The following FGF10 variants were observed in gnomAD, a reference collection of about 807,000 sequenced individuals.
FGF10 encodes the protein FGF-10.
A neutral mutation model predicts 19.8 loss-of-function variants in FGF10; 2 were observed. That is an observed-to-expected ratio of 0.10 (90% CI 0.04 to 0.32). The LOEUF (loss-of-function observed/expected upper bound fraction) is 0.32. FGF10 is among the 10% of genes least tolerant of loss of function. The probability of loss-of-function intolerance (pLI) is 1.00; values close to 1 mark genes in which losing one functional copy is unlikely to be tolerated. For missense variants in FGF10, 191 were observed against 246.3 expected (o/e 0.78, Z 1.50); for synonymous variants, 112 against 94.0 (o/e 1.19, Z -1.10).
At chr5:44,338,086 G>C (rs1740893251) in intron 1 of FGF10, among the ~76,000 whole-genome samples, 1 of 152,100 alleles carries the variant, frequency 6.6e-6, no homozygotes, top group Non-Finnish European at 1.5e-5. Flanking sequence ...TAACATGTTA[G>C]AAAAAGGTTA....
intron 1 of FGF10, among the ~76,000 whole-genome samples, chr5:44,337,489 G>A (rs1417697732): frequency 6.6e-6 from 1 of 152,216 alleles, no homozygotes; most frequent in East Asian, 1.9e-4. Flanking sequence ...ATTACCTTTT[G>A]ATGATAGAAC....
chr5:44,336,414 A>G (rs1740853407), intron 1 of FGF10, among the ~76,000 whole-genome samples: 1 of 152,128 alleles, frequency 6.6e-6, no homozygotes, highest in African/African-American at 2.4e-5. Context: ...TCAGTTTCAA[A>G]TACTTACTGT....
rs1739955974 is a variant in FGF10, at chr5:44,301,066, T to A, written c.*3929A>T. Among the ~76,000 whole-genome samples the A allele has an allele frequency of 6.6e-6, 1 of 152,142 alleles. No homozygotes were observed. Among genetic ancestry groups the A allele is most frequent in the African/African-American group, 2.4e-5 (1 of 41,460 alleles). On this transcript the variant is annotated 3_prime_UTR_variant, in exon 3 of 3. Transcript: ENST00000264664. ...TCGTTACTTCATTTCTAAGTACTCATAGAACTCAGAGTTCCTTTTTCTCCT... is the reference window on the plus strand; with the variant it reads ...TCGTTACTTCATTTCTAAGTACTCAAAGAACTCAGAGTTCCTTTTTCTCCT...
chr5:44,317,037 T>G (rs937711357), intron 1 of FGF10, among the ~76,000 whole-genome samples: 8 of 152,188 alleles, frequency 5.3e-5, no homozygotes, highest in Admixed American at 2.6e-4. Flanking sequence ...TCCTTCACCC[T>G]ACACCCAGTG....
At chr5:44,347,936 T>C (rs1204059001) in intron 1 of FGF10, among the ~76,000 whole-genome samples, 3 of 151,740 alleles carry the variant, frequency 2.0e-5, no homozygotes, top group African/African-American at 7.2e-5. Flanking sequence ...GTTGGGAACA[T>C]GCTATATTTT....
intron 1 of FGF10, among the ~76,000 whole-genome samples, chr5:44,342,534 A>C (rs1740993693): frequency 6.6e-6 from 1 of 151,732 alleles, no homozygotes; most frequent in African/African-American, 2.4e-5. Flanking sequence ...AACTAACCAG[A>C]ATTCATTTTT....
chr5:44,371,194 G>T (rs1439305296), intron 1 of FGF10, among the ~76,000 whole-genome samples: 1 of 152,022 alleles, frequency 6.6e-6, no homozygotes, highest in Non-Finnish European at 1.5e-5. Context: ...GAGTAGAACT[G>T]GCGGCTTTAT....
chr5:44,384,532 G>C (rs528314204), intron 1 of FGF10, among the ~76,000 whole-genome samples: 1 of 152,068 alleles, frequency 6.6e-6, no homozygotes, highest in Non-Finnish European at 1.5e-5. Context: ...GAGATTTGAG[G>C]TGTCAAATTC....
intron 1 of FGF10, among the ~76,000 whole-genome samples, chr5:44,370,884 G>A (rs1054911106): frequency 2.6e-5 from 4 of 152,082 alleles, no homozygotes; most frequent in African/African-American, 7.2e-5. Flanking sequence ...GAGGCTTAAA[G>A]GTAGGATGTT....
intron 1 of FGF10, among the ~76,000 whole-genome samples, chr5:44,346,301 T>C (rs763918985): frequency 2.6e-5 from 4 of 151,786 alleles, no homozygotes; most frequent in Non-Finnish European, 5.9e-5. Flanking sequence ...CTCATTTGTA[T>C]ATTTCCTTCA....
intron 1 of FGF10, among the ~76,000 whole-genome samples, chr5:44,332,500 G>C (rs1433999321): frequency 6.6e-6 from 1 of 152,124 alleles, no homozygotes; most frequent in Non-Finnish European, 1.5e-5. Flanking sequence ...AACTGAGAGT[G>C]GTTCTTAAAA....
At chr5:44,372,609 A>G (rs1438145192) in intron 1 of FGF10, among the ~76,000 whole-genome samples, 4 of 152,194 alleles carry the variant, frequency 2.6e-5, no homozygotes, top group Non-Finnish European at 2.9e-5. Context: ...TGTGTAATGT[A>G]AATAATGGAA....
At chr5:44,322,421 C>T (rs1266154435) in intron 1 of FGF10, among the ~76,000 whole-genome samples, 1 of 152,160 alleles carries the variant, frequency 6.6e-6, no homozygotes, top group Admixed American at 6.6e-5. Flanking sequence ...TTCTTTCTCA[C>T]AGCTGGTACA....
intron 1 of FGF10, among the ~76,000 whole-genome samples, chr5:44,336,957 C>A (rs1191308652): frequency 6.6e-6 from 1 of 151,942 alleles, no homozygotes; most frequent in Non-Finnish European, 1.5e-5. Flanking sequence ...TGAAAATAAC[C>A]AAAGATGAGC....
At chr5:44,388,249 G>T (rs978469493) in intron 1 of FGF10, 109 bp downstream of exon 1, 52 of 985,758 alleles carry the variant, frequency 5.3e-5, no homozygotes, top group Non-Finnish European at 8.0e-5. Flanking sequence ...CATTTTACAG[G>T]GGTTGGGGAC....
chr5:44,364,550 T>C (rs1741563359), intron 1 of FGF10, among the ~76,000 whole-genome samples: 1 of 151,808 alleles, frequency 6.6e-6, no homozygotes. Context: ...ATTACCTGGT[T>C]CGAAATAGTG....
rs543130433 is a variant in FGF10, at chr5:44,331,982, G to GA, written c.326-21453dup. On this transcript the variant is annotated intron_variant, in intron 1 of 2. Coordinates refer to ENST00000264664, the MANE Select transcript of FGF10 (RefSeq NM_004465.2). ...CAGCAGAATATAAATAACTTGAAGG[G>GA]AAAAAAAAAACCTACCAATTCCTCC... 6.4e-4 allele frequency among the ~76,000 whole-genome samples: 94 copies of GA among 146,812 alleles called. 2 individuals are homozygous for GA. The South Asian group carries it at 0.012, about 19-fold the overall frequency.
chr5:44,369,484 G>A (rs949385382), intron 1 of FGF10, among the ~76,000 whole-genome samples: 1 of 152,026 alleles, frequency 6.6e-6, no homozygotes, highest in African/African-American at 2.4e-5. Flanking sequence ...AAAGAAGAAG[G>A]GAAGAGCTCT....
intron 1 of FGF10, among the ~76,000 whole-genome samples, chr5:44,377,659 T>G (rs1741896042): frequency 6.6e-6 from 1 of 152,196 alleles, no homozygotes; most frequent in African/African-American, 2.4e-5. Context: ...TTACCTTCAG[T>G]TTTCAAATAC....
Sources: gnomAD v4.1 joint callset for allele counts (sites outside exome capture counted in the v4.1 genomes callset) on GRCh38, gnomAD v4.1.1 for gene constraint, MANE v1.5 for transcripts, NCBI Gene and HGNC (gene_info 2026-07-23, HGNC 2026-07-21) for gene names.